HDLBP: variants seen among roughly 807,000 people sequenced by gnomAD.
HDLBP encodes the protein high density lipoprotein binding protein.
A neutral mutation model predicts 137.3 loss-of-function variants in HDLBP; 30 were observed. That is an observed-to-expected ratio of 0.22 (90% CI 0.16 to 0.30). HDLBP has a LOEUF of 0.30. Ranked by LOEUF, HDLBP falls within the 10% of genes least tolerant of loss-of-function variation. The pLI, the probability that HDLBP is intolerant of heterozygous loss-of-function variation, is 1.00. For synonymous variants in HDLBP, 606 were observed against 596.0 expected, an observed-to-expected ratio of 1.02 and a Z score of -0.24; for missense variants, 1,119 against 1,667.3, an observed-to-expected ratio of 0.67 and a Z score of 5.73.
intron 1 of HDLBP, among the ~76,000 whole-genome samples, chr2:241,313,891 T>A (rs1225290807): frequency 6.6e-6 from 1 of 152,300 alleles, no homozygotes; most frequent in East Asian, 1.9e-4. Flanking sequence ...TTACACTCAA[T>A]GCACTTTTAC....
chr2:241,246,282 G>A (rs1222509409), intron 16 of HDLBP, among the ~76,000 whole-genome samples: 1 of 152,240 alleles, frequency 6.6e-6, no homozygotes, highest in Non-Finnish European at 1.5e-5. Flanking sequence ...GGTGGGGGGA[G>A]TGTGGTTTTC....
At position 241,272,214 on chromosome 2, in the gene HDLBP, C is replaced by T. The variant is rs1167358307; in HGVS notation, c.-102-3673G>A. The T allele has an allele frequency of 1.0e-6, 1 of 983,176 alleles. No homozygotes were observed. The highest frequency in any genetic ancestry group is 1.2e-6 in the Non-Finnish European group (1 of 827,926). 60.9% of individuals were successfully genotyped at this position (983,176 alleles called of 1,614,324 possible). On this transcript the variant is annotated intron_variant, in intron 1 of 27. Transcript: ENST00000310931. The surrounding 1 kb of genome is among the most constrained non-coding windows in gnomAD (Gnocchi z 5.6). ...GCAGGTGGAGGTGCTGCGGGGGCCC[C>T]GCCGCCCGGTCTGCGCCCAGACCCC... is the stretch of plus-strand genomic sequence containing the variant.
At chr2:241,291,810 C>T (rs2075020970) in intron 1 of HDLBP, among the ~76,000 whole-genome samples, 2 of 152,118 alleles carry the variant, frequency 1.3e-5, no homozygotes, top group South Asian at 4.2e-4. Flanking sequence ...ACCACAATCA[C>T]AAGTGTCCTT....
At chr2:241,294,242 CA>C (rs1349769385) in intron 1 of HDLBP, among the ~76,000 whole-genome samples, 2 of 152,140 alleles carry the variant, frequency 1.3e-5, no homozygotes, top group Non-Finnish European at 2.9e-5. Context: ...TAACTATAAT[CA>C]GGGGGCCAAG....
intron 1 of HDLBP, among the ~76,000 whole-genome samples, chr2:241,299,700 G>C (rs1559554232): frequency 6.6e-6 from 1 of 152,044 alleles, no homozygotes; most frequent in African/African-American, 2.4e-5. Context: ...TGGATCACGA[G>C]GTCAGGAGAT....
In HDLBP at chr2:241,272,282, A is replaced by T. The variant is rs2074125003; in HGVS notation, c.-102-3741T>A. 1.0e-6 allele frequency: 1 copy of T among 977,490 alleles called. No individual in the cohort carries two copies. Among genetic ancestry groups the T allele is most frequent in the African/African-American group, 1.8e-5 (1 of 56,790 alleles). The allele number at this position is 977,490 out of a possible 1,614,324, so 60.6% of individuals were successfully genotyped here. A position where few individuals can be genotyped will look rare whatever the true frequency, so the allele number is the denominator to read the frequency against. On this transcript the variant is annotated intron_variant, in intron 1 of 27. Transcript: ENST00000310931. This position sits in a 1 kb window ranked among gnomAD's most constrained non-coding sequence, Gnocchi z 5.6. ...GGGGGAAGGACCCCGCTGGCCTCCC[A>T]GGGACCCCCACCCTGGCCGCACACG...
rs566982506 is a variant in HDLBP, at chr2:241,256,315, T to C, written c.742A>G (p.Ile248Val). ...AGPYNRLVGE[I>V]MQETGTRINI... is the part of the protein sequence containing the mutation. ...ATGCGCGTGCCTGTCTCCTGCATGA[T>C]CTCGCCAACCAGTCTATTATACGGC... Residue 248 changes from isoleucine to valine, a missense_variant, in exon 7 of 28, where the codon ATC (isoleucine) becomes GTC (valine). By Grantham distance (29) the Ile-to-Val change is conservative. Transcript: ENST00000310931. The C allele has an allele frequency of 3.7e-6, 6 of 1,614,124 alleles. No homozygotes were observed. The East Asian group carries it at 1.1e-4, about 30-fold the overall frequency.
At chr2:241,261,623 C>G (rs1315542188) in intron 5 of HDLBP, among the ~76,000 whole-genome samples, 1 of 152,210 alleles carries the variant, frequency 6.6e-6, no homozygotes, top group African/African-American at 2.4e-5. Flanking sequence ...CACTGACTAG[C>G]AGACACCTGG....
Position 241,248,122 on chromosome 2 carries a change from ACAAAT to A in HDLBP, c.1618-11_1618-7del. 1.2e-6 allele frequency: 2 copies of A among 1,609,046 alleles called. No homozygotes were observed. Among genetic ancestry groups the A allele is most frequent in the Non-Finnish European group, 1.7e-6 (2 of 1,175,310 alleles). ...TCTGGAAAGTTAATGATGACCTAGAACAAATCATGGGGAGACTAAGTTCAAGTATG... is the reference window on the plus strand; with the variant it reads ...TCTGGAAAGTTAATGATGACCTAGAACATGGGGAGACTAAGTTCAAGTATG... On this transcript the variant is annotated splice_polypyrimidine_tract_variant and splice_region_variant and intron_variant, in intron 13 of 27. Transcript: ENST00000310931.
chr2:241,258,870 A>C (rs2072930156), intron 5 of HDLBP, among the ~76,000 whole-genome samples: 1 of 152,162 alleles, frequency 6.6e-6, no homozygotes, highest in South Asian at 2.1e-4. Flanking sequence ...CATACTGCTG[A>C]TGAGACGGCA....
chr2:241,235,002 T>G, intron 23 of HDLBP, 119 bp downstream of exon 23: 12 of 1,266,106 alleles, frequency 9.5e-6, no homozygotes, highest in Non-Finnish European at 1.3e-5. Context: ...TGCCTGCATC[T>G]CACCTCCAGC....
chr2:241,259,623 G>A (rs115196919), intron 5 of HDLBP, among the ~76,000 whole-genome samples: 2 of 152,080 alleles, frequency 1.3e-5, no homozygotes, highest in African/African-American at 4.8e-5. Flanking sequence ...TAAGTAGCTG[G>A]GATTACAGGT....
chr2:241,263,046 G>T, intron 4 of HDLBP, 120 bp from the exon 5 acceptor site: 2 of 743,470 alleles, frequency 2.7e-6, no homozygotes, highest in Non-Finnish European at 4.5e-6. Context: ...CTGCCCACAG[G>T]CACTGCTCGA....
intron 1 of HDLBP, among the ~76,000 whole-genome samples, chr2:241,311,335 G>T (rs77623245): frequency 6.6e-6 from 1 of 152,130 alleles, no homozygotes; most frequent in South Asian, 2.1e-4. Context: ...AGGCACTTTC[G>T]TACATACAAA....
chr2:241,304,659 G>A (rs1195619101), intron 1 of HDLBP, among the ~76,000 whole-genome samples: 3 of 152,218 alleles, frequency 2.0e-5, no homozygotes, highest in African/African-American at 7.2e-5. Flanking sequence ...AAAATCCCAA[G>A]AAACACAGGA....
At chr2:241,256,015 A>AG (rs998434647) in intron 7 of HDLBP, among the ~76,000 whole-genome samples, 169 bp downstream of exon 7, 4 of 152,146 alleles carry the variant, frequency 2.6e-5, no homozygotes, top group Admixed American at 2.0e-4. Flanking sequence ...CTCAACAGCA[A>AG]GGGGGGGCGG....
chr2:241,242,472 C>G lies in HDLBP; in HGVS notation c.2157G>C (p.Leu719=). The G allele has an allele frequency of 6.2e-7, 1 of 1,613,830 alleles. No homozygotes were observed. The highest frequency in any genetic ancestry group is 1.1e-5 in the South Asian group (1 of 91,070). Residue 719 remains leucine, a synonymous_variant, in exon 17 of 28, where the codon CTG becomes CTC. Coordinates refer to ENST00000310931, the MANE Select transcript of HDLBP (RefSeq NM_005336.6). ...VEKAKKQLLH[L]AEEKQTKSFT... is the part of the protein sequence containing the mutation. ...TCCCCATGCTCACCTTCTCCTCCGC[C>G]AGATGCAGGAGCTGCTTCTTGGCCT...
At chr2:241,283,734 G>A (rs1245491150) in intron 1 of HDLBP, among the ~76,000 whole-genome samples, 2 of 152,032 alleles carry the variant, frequency 1.3e-5, no homozygotes, top group East Asian at 1.9e-4. Context: ...TCAGCCTCCC[G>A]AAGTGCTGGG....
chr2:241,275,644 T>C (rs193060813), intron 1 of HDLBP, among the ~76,000 whole-genome samples: 200 of 151,876 alleles, frequency 1.3e-3, no homozygotes, highest in Non-Finnish European at 2.4e-3. Context: ...CACTACAGAG[T>C]AACCTCAGAG....
Sources: allele counts gnomAD v4.1 joint callset (sites outside exome capture counted in the v4.1 genomes callset), GRCh38; gene constraint gnomAD v4.1.1; non-coding constraint Gnocchi (gnomAD v3.1); transcripts MANE v1.5; gene names NCBI Gene and HGNC (gene_info 2026-07-23, HGNC 2026-07-21).